Variants in TENM2 observed in about 807,000 individuals in gnomAD.
The protein encoded by TENM2 is teneurin transmembrane protein 2, also known as teneurin-2.
Under a neutral mutation model 245.2 loss-of-function variants are expected in TENM2, and 52 were observed. That is an observed-to-expected ratio of 0.21 (90% CI 0.17 to 0.27). The LOEUF (loss-of-function observed/expected upper bound fraction) is 0.27, where lower values mean the gene tolerates loss of function less well. TENM2 is among the 10% of genes least tolerant of loss of function. TENM2 has a pLI of 1.00. For missense variants in TENM2, 3,046 were observed against 3,666.8 expected (o/e 0.83, Z 4.37); for synonymous variants, 1,363 against 1,438.9 (o/e 0.95, Z 1.19).
intron 2 of TENM2, among the ~76,000 whole-genome samples, chr5:167,394,720 C>T (rs115026757): frequency 0.026 from 3,970 of 152,074 alleles, 77 homozygotes; most frequent in Middle Eastern, 0.058. Flanking sequence ...CTCAATCTCC[C>T]GAATAGCTGG....
the TENM2 span, among the ~76,000 whole-genome samples, chr5:167,161,847 A>G: frequency 0.018 from 2,751 of 152,230 alleles, 88 homozygotes; most frequent in African/African-American, 0.062. Context: ...ATACCTCTCC[A>G]AAGTCCATTT....
chr5:168,079,026 G>A (rs1251820361), intron 7 of TENM2, among the ~76,000 whole-genome samples: 5 of 152,154 alleles, frequency 3.3e-5, no homozygotes, highest in African/African-American at 1.2e-4. Context: ...TCAGCAGTAT[G>A]GCCATTTTCA....
intron 2 of TENM2, among the ~76,000 whole-genome samples, chr5:167,871,315 A>G (rs1272740189): frequency 6.6e-6 from 1 of 152,156 alleles, no homozygotes; most frequent in African/African-American, 2.4e-5. Flanking sequence ...GTTTCCTGCC[A>G]AATCCAGGGC....
intron 2 of TENM2, among the ~76,000 whole-genome samples, chr5:167,609,624 G>A (rs1300101400): frequency 6.6e-6 from 1 of 151,932 alleles, no homozygotes; most frequent in Admixed American, 6.6e-5. Flanking sequence ...CTAAATCATG[G>A]TTTGAGGGAG....
the TENM2 span, among the ~76,000 whole-genome samples, chr5:167,141,022 TTC>T: frequency 6.6e-6 from 1 of 152,124 alleles, no homozygotes; most frequent in African/African-American, 2.4e-5. Flanking sequence ...GGGTTATATG[TTC>T]TGTTTGCCTT....
chr5:167,335,439 G>T (rs1391043594), intron 1 of TENM2, among the ~76,000 whole-genome samples: 1 of 152,172 alleles, frequency 6.6e-6, no homozygotes, highest in East Asian at 1.9e-4. Flanking sequence ...CCAAATATCA[G>T]TTGGCTGGCT....
rs550787443 is a variant in TENM2, at chr5:168,004,517, GCACACACACACACACACACA to G, written c.1186+11357_1186+11376del. Reference sequence around the variant, plus strand: ...TTGGGATGCACGCATGCGCGCGCGCGCACACACACACACACACACACACACACACACACACACACACCACT... The same window carrying G: ...TTGGGATGCACGCATGCGCGCGCGCGCACACACACACACACACACACCACT... On this transcript the variant is annotated intron_variant, in intron 5 of 28. Transcript: ENST00000518659. Among the ~76,000 whole-genome samples the G allele has an allele frequency of 3.0e-5, 4 of 132,224 alleles. No individual in the cohort carries two copies. In the South Asian group the frequency reaches 1.1e-3, roughly 35 times the overall value. 86.7% of individuals were successfully genotyped at this position (132,224 alleles called of 152,430 possible).
intron 2 of TENM2, among the ~76,000 whole-genome samples, chr5:167,825,296 G>C (rs879888699): frequency 2.0e-5 from 3 of 150,706 alleles, no homozygotes; most frequent in Admixed American, 6.6e-5. Flanking sequence ...GTTTCTGCAG[G>C]GGGGTGGGGT....
intron 2 of TENM2, among the ~76,000 whole-genome samples, chr5:167,604,103 A>G (rs994460438): frequency 5.9e-5 from 9 of 152,224 alleles, no homozygotes; most frequent in Non-Finnish European, 8.8e-5. Flanking sequence ...ACTAAATTTA[A>G]AAAGATAAAA....
Position 167,686,752 on chromosome 5 carries a change from A to G in TENM2, c.503-189234A>G, listed in dbSNP as rs554772181. 8.7e-4 allele frequency among the ~76,000 whole-genome samples: 132 copies of G among 152,312 alleles called. 1 individual carries two copies. The highest frequency in any genetic ancestry group is 3.0e-3 in the African/African-American group (125 of 41,590). ...GAGGTTTGCTGGGATGCCTGGAGCCATTAGAGATGACTTAGATGAATATGG... is the reference window on the plus strand; with the variant it reads ...GAGGTTTGCTGGGATGCCTGGAGCCGTTAGAGATGACTTAGATGAATATGG... On this transcript the variant is annotated intron_variant, in intron 2 of 28. Coordinates refer to ENST00000518659, the Ensembl canonical transcript of TENM2.
At chr5:167,651,493 T>C (rs1347557902) in intron 2 of TENM2, among the ~76,000 whole-genome samples, 1 of 152,004 alleles carries the variant, frequency 6.6e-6, no homozygotes, top group East Asian at 2.0e-4. Flanking sequence ...ATGTGCATTA[T>C]TGGTGCCGAT....
intron 12 of TENM2, among the ~76,000 whole-genome samples, chr5:168,134,812 A>T (rs1317929745): frequency 6.6e-6 from 1 of 152,216 alleles, no homozygotes. Flanking sequence ...TTCCAAACAA[A>T]GGTTGTTCAG....
chr5:168,170,067 G>A (rs1481963004), intron 13 of TENM2, among the ~76,000 whole-genome samples: 1 of 152,192 alleles, frequency 6.6e-6, no homozygotes, highest in Non-Finnish European at 1.5e-5. Flanking sequence ...GGAACACATA[G>A]CAACAGGGAT....
intron 2 of TENM2, among the ~76,000 whole-genome samples, chr5:167,384,753 T>C (rs1761318567): frequency 6.6e-6 from 1 of 152,120 alleles, no homozygotes; most frequent in South Asian, 2.1e-4. Context: ...GTAACAAAGT[T>C]AGAAGTGATA....
At chr5:168,086,357 C>A (rs998423898) in intron 7 of TENM2, among the ~76,000 whole-genome samples, 1 of 152,210 alleles carries the variant, frequency 6.6e-6, no homozygotes. Context: ...TGGTTTATTT[C>A]TTTGCCTCTC....
chr5:167,107,220 C>T, the TENM2 span, among the ~76,000 whole-genome samples: 78 of 151,696 alleles, frequency 5.1e-4, no homozygotes, highest in African/African-American at 1.8e-3. Flanking sequence ...CGAGACTGCG[C>T]CATTGCACTC....
In TENM2 at chr5:167,548,410, T is replaced by A. The variant is rs746013830; in HGVS notation, c.502+172937T>A. ...TGTAAACTGTCTAGCTCCCTGTACA[T>A]TTTTTTTCTAATAAGCATTTTAGCA... On this transcript the variant is annotated intron_variant, in intron 2 of 28. Transcript: ENST00000518659. 5.9e-4 allele frequency among the ~76,000 whole-genome samples: 90 copies of A among 152,008 alleles called. 1 individual carries two copies. The highest frequency in any genetic ancestry group is 1.2e-3 in the Non-Finnish European group (79 of 67,970).
At chr5:167,676,445 T>C (rs1756337030) in intron 2 of TENM2, among the ~76,000 whole-genome samples, 1 of 152,150 alleles carries the variant, frequency 6.6e-6, no homozygotes, top group Non-Finnish European at 1.5e-5. Context: ...CTGCTCTTTA[T>C]TCTTATTTCT....
At chr5:167,742,466 G>A (rs6862936) in intron 2 of TENM2, among the ~76,000 whole-genome samples, 55,073 of 151,522 alleles carry the variant, frequency 0.36, 11,621 homozygotes, top group African/African-American at 0.58. Flanking sequence ...CCAATATATT[G>A]TCATTTTTTC....
Sources: allele counts gnomAD v4.1 joint callset (sites outside exome capture counted in the v4.1 genomes callset), GRCh38; gene constraint gnomAD v4.1.1; transcripts MANE v1.5; gene names NCBI Gene and HGNC (gene_info 2026-07-23, HGNC 2026-07-21).